The following ADAMTS17 variants were observed in gnomAD, a reference collection of about 807,000 sequenced individuals.
ADAMTS17 encodes A disintegrin and metalloproteinase with thrombospondin motifs 17.
A neutral mutation model predicts 141.5 loss-of-function variants in ADAMTS17; 113 were observed. The ratio of observed to expected loss-of-function variants is 0.80; its 90% confidence interval spans 0.69 to 0.93. ADAMTS17 has a LOEUF of 0.93. Ranked by LOEUF, ADAMTS17 falls within the 40% of genes least tolerant of loss-of-function variation. The pLI is 0.00. For missense variants in ADAMTS17, 1,659 were observed against 1,517.9 expected (o/e 1.09, Z -1.54); for synonymous variants, 768 against 630.6 (o/e 1.22, Z -3.27).
At chr15:100,207,608 AGGTT>A in intron 7 of ADAMTS17, among the ~76,000 whole-genome samples, 1 of 152,360 alleles carries the variant, frequency 6.6e-6, no homozygotes, top group Non-Finnish European at 1.5e-5. Flanking sequence ...TAGGAGCATC[AGGTT>A]GAACTAGTTA....
intron 3 of ADAMTS17, among the ~76,000 whole-genome samples, chr15:100,327,197 AGAG>A (rs1169523578): frequency 6.6e-6 from 1 of 152,210 alleles, no homozygotes; most frequent in Non-Finnish European, 1.5e-5. Context: ...TGTGCACTAC[AGAG>A]GATATACACG....
chr15:100,271,026 C>T (rs1292250866), intron 4 of ADAMTS17, among the ~76,000 whole-genome samples: 9 of 151,888 alleles, frequency 5.9e-5, no homozygotes, highest in East Asian at 2.0e-4. Context: ...GCTCATTTCA[C>T]GTAGCATAAT....
chr15:100,117,061 G>A, intron 12 of ADAMTS17, 48 bp from the exon 13 acceptor site: 2 of 1,553,822 alleles, frequency 1.3e-6, no homozygotes, highest in Non-Finnish European at 1.7e-6. Flanking sequence ...GCGACCAAAG[G>A]GCAGGAGAGC....
intron 7 of ADAMTS17, among the ~76,000 whole-genome samples, chr15:100,202,439 A>C (rs1302552712): frequency 1.3e-5 from 2 of 152,220 alleles, no homozygotes; most frequent in Non-Finnish European, 2.9e-5. Flanking sequence ...CTGAGCAAGG[A>C]AAAACACATA....
intron 10 of ADAMTS17, among the ~76,000 whole-genome samples, chr15:100,148,755 G>A (rs780280398): frequency 1.1e-4 from 17 of 151,968 alleles, no homozygotes; most frequent in Non-Finnish European, 2.2e-4. Flanking sequence ...CTGCACAGGT[G>A]GGCAGGGGAG....
At chr15:100,151,358 A>C (rs2039155066) in intron 10 of ADAMTS17, among the ~76,000 whole-genome samples, 1 of 152,206 alleles carries the variant, frequency 6.6e-6, no homozygotes, top group Non-Finnish European at 1.5e-5. Flanking sequence ...CTCCAACTGC[A>C]GGTTGTGTCC....
chr15:100,255,924 C>T (rs2043311876), intron 6 of ADAMTS17, among the ~76,000 whole-genome samples: 1 of 152,226 alleles, frequency 6.6e-6, no homozygotes, highest in African/African-American at 2.4e-5. Flanking sequence ...CACTGCTTCA[C>T]TGGAGGAAGA....
intron 3 of ADAMTS17, among the ~76,000 whole-genome samples, chr15:100,298,501 C>A (rs2044906127): frequency 6.6e-6 from 1 of 152,126 alleles, no homozygotes; most frequent in South Asian, 2.1e-4. Context: ...TGCAAAAACT[C>A]ATCAGTCCCA....
chr15:100,046,313 C>T, intron 18 of ADAMTS17, among the ~76,000 whole-genome samples: 1 of 152,130 alleles, frequency 6.6e-6, no homozygotes. Flanking sequence ...AAAATCTTAT[C>T]CCTGGAGTTC....
intron 10 of ADAMTS17, among the ~76,000 whole-genome samples, chr15:100,146,263 A>G (rs1166289847): frequency 6.6e-6 from 1 of 152,230 alleles, no homozygotes; most frequent in East Asian, 1.9e-4. Flanking sequence ...AGGGACCCCA[A>G]ATGGAGGGAC....
intron 15 of ADAMTS17, among the ~76,000 whole-genome samples, chr15:100,092,250 T>C (rs993910260): frequency 6.6e-6 from 1 of 152,256 alleles, no homozygotes; most frequent in Non-Finnish European, 1.5e-5. Flanking sequence ...GTTTTTCTGA[T>C]GGTAATCAGT....
At chr15:100,170,495 T>C (rs979639884) in intron 8 of ADAMTS17, among the ~76,000 whole-genome samples, 5 of 152,162 alleles carry the variant, frequency 3.3e-5, no homozygotes, top group Non-Finnish European at 5.9e-5. Flanking sequence ...CTTTGCATAA[T>C]CCAGCCACAG....
intron 12 of ADAMTS17, among the ~76,000 whole-genome samples, chr15:100,127,958 T>C (rs1306807261): frequency 1.3e-5 from 2 of 152,012 alleles, no homozygotes; most frequent in Non-Finnish European, 2.9e-5. Context: ...CATTCAATAA[T>C]TTCCTACATA....
chr15:100,309,221 GC>G (rs1329986628), intron 3 of ADAMTS17, among the ~76,000 whole-genome samples: 3 of 152,200 alleles, frequency 2.0e-5, no homozygotes, highest in Non-Finnish European at 4.4e-5. Flanking sequence ...GGGCGTGGTG[GC>G]ACACACCTCT....
At chr15:100,234,997 G>C (rs548744167) in intron 7 of ADAMTS17, among the ~76,000 whole-genome samples, 1 of 152,318 alleles carries the variant, frequency 6.6e-6, no homozygotes, top group Admixed American at 6.5e-5. Flanking sequence ...ATTGGCTTAA[G>C]AAGAAAAACA....
intron 15 of ADAMTS17, among the ~76,000 whole-genome samples, chr15:100,057,482 C>A (rs967269188): frequency 4.6e-5 from 7 of 152,304 alleles, no homozygotes; most frequent in Admixed American, 2.0e-4. Context: ...AGTCCCATAT[C>A]CACACCCTGC....
intron 21 of ADAMTS17, 151 bp from the exon 22 acceptor site, chr15:99,974,713 C>A: frequency 2.8e-6 from 3 of 1,055,542 alleles, no homozygotes; most frequent in East Asian, 2.6e-5. Context: ...ATGCCTCCTG[C>A]CAGGGCACTG....
At chr15:100,264,601 G>A (rs184199472) in intron 4 of ADAMTS17, among the ~76,000 whole-genome samples, 2 of 152,290 alleles carry the variant, frequency 1.3e-5, no homozygotes, top group Admixed American at 1.3e-4. Flanking sequence ...AGACTGCAAG[G>A]AACAGTGCAA....
At chr15:100,026,687 G>A (rs147044036) in intron 18 of ADAMTS17, among the ~76,000 whole-genome samples, 2,426 of 152,316 alleles carry the variant, frequency 0.016, 30 homozygotes, top group Middle Eastern at 0.041. Context: ...GCTGCTGCCC[G>A]AGGCACAGGC....
Sources: gnomAD v4.1 joint callset for allele counts (sites outside exome capture counted in the v4.1 genomes callset) on GRCh38, gnomAD v4.1.1 for gene constraint, MANE v1.5 for transcripts, NCBI Gene and HGNC (gene_info 2026-07-23, HGNC 2026-07-21) for gene names.